The following RPF1 variants were observed in gnomAD, a reference collection of about 807,000 sequenced individuals.
RPF1 encodes the protein ribosome production factor 1.
RPF1 carries 34 observed loss-of-function variants against 41.9 expected under a neutral mutation model. That is an observed-to-expected ratio of 0.81 (90% CI 0.62 to 1.08). RPF1 has a LOEUF of 1.08. Ranked by LOEUF, RPF1 falls within the 50% of genes least tolerant of loss-of-function variation. The pLI, the probability that RPF1 is intolerant of heterozygous loss-of-function variation, is 0.00. For synonymous variants in RPF1, 140 were observed against 148.9 expected (o/e 0.94, Z 0.43); for missense variants, 425 against 435.2 (o/e 0.98, Z 0.21).
At chr1:84,484,149 G>T (rs1431763517) in intron 3 of RPF1, among the ~76,000 whole-genome samples, 1 of 152,202 alleles carries the variant, frequency 6.6e-6, no homozygotes, top group East Asian at 1.9e-4. Flanking sequence ...GCAATTTTAT[G>T]TAAGTAAGGT....
At chr1:84,493,737 A>G (rs1681879985) in intron 5 of RPF1, among the ~76,000 whole-genome samples, 1 of 152,224 alleles carries the variant, frequency 6.6e-6, no homozygotes, top group African/African-American at 2.4e-5. Context: ...ACTACATAAA[A>G]AGGTGACATT....
Position 84,479,421 on chromosome 1 carries a change from C to T in RPF1, c.140C>T (p.Ala47Val), listed in dbSNP as rs764130665. ...ENGVQPPKAAAFPPGFSISEI... is the reference protein window; with the variant it reads ...ENGVQPPKAAVFPPGFSISEI... ...GGGGTCCAACCCCCGAAAGCGGCTGCCTTTCCGCCAGGCTTTAGCATTTCG... is the reference window on the plus strand; with the variant it reads ...GGGGTCCAACCCCCGAAAGCGGCTGTCTTTCCGCCAGGCTTTAGCATTTCG... The change falls in exon 1 of 9, where the codon GCC becomes GTC. Residue 47 changes from alanine (A) to valine (V), a missense_variant. By Grantham distance (64) the Ala-to-Val change is moderately conservative (BLOSUM62 0). Coordinates refer to ENST00000370654, the MANE Select transcript of RPF1 (RefSeq NM_025065.7). The T allele has an allele frequency of 1.2e-6, 2 of 1,614,108 alleles. No homozygotes were observed. Among genetic ancestry groups the T allele is most frequent in the Admixed American group, 1.7e-5 (1 of 60,016 alleles).
intron 3 of RPF1, among the ~76,000 whole-genome samples, chr1:84,487,811 T>C (rs1468012847): frequency 6.6e-6 from 1 of 152,088 alleles, no homozygotes; most frequent in Non-Finnish European, 1.5e-5. Flanking sequence ...CCTGTCCTTT[T>C]GCATATATAT....
Position 84,480,961 on chromosome 1 carries a change from G to A in RPF1, c.234G>A (p.Lys78=), listed in dbSNP as rs1262946074. ...TRWKQQQRKE[K]LAAKKKLKKE... The stretch of plus-strand genomic sequence containing the variant: ...CTTTTTTTTTAACCCTTTAGGAAAA[G>A]TTGGCAGCTAAGAAAAAACTTAAAA... Residue 78 remains lysine, a synonymous_variant, in exon 2 of 9, where the codon AAG becomes AAA. Coordinates refer to ENST00000370654, the MANE Select transcript of RPF1 (RefSeq NM_025065.7). 6.4e-7 allele frequency: 1 copy of A among 1,569,978 alleles called. No homozygotes were observed. The highest frequency in any genetic ancestry group is 8.7e-7 in the Non-Finnish European group (1 of 1,144,146).
chr1:84,496,556 A>ATTTT (rs542210342), intron 8 of RPF1, among the ~76,000 whole-genome samples, 186 bp downstream of exon 8: 1 of 128,944 alleles, frequency 7.8e-6, no homozygotes, highest in African/African-American at 2.7e-5. Flanking sequence ...CTGCACATAT[A>ATTTT]CCCTTGAACT....
intron 2 of RPF1, among the ~76,000 whole-genome samples, chr1:84,482,021 T>C (rs954703271): frequency 5.9e-5 from 9 of 152,218 alleles, no homozygotes; most frequent in Non-Finnish European, 1.3e-4. Flanking sequence ...GTAATCAGTC[T>C]ATTACAGCAA....
intron 5 of RPF1, among the ~76,000 whole-genome samples, chr1:84,491,406 A>AATTT (rs1047652213): frequency 2.0e-5 from 3 of 152,174 alleles, no homozygotes; most frequent in Non-Finnish European, 4.4e-5. Flanking sequence ...TGAACACTCT[A>AATTT]TTAGTGGTTT....
At position 84,489,639 on chromosome 1, in the gene RPF1, TATG is replaced by T; in HGVS notation, c.378_380del (p.Asp126del). The T allele has an allele frequency of 6.3e-7, 1 of 1,589,642 alleles. No individual in the cohort carries two copies. The highest frequency in any genetic ancestry group is 8.6e-7 in the Non-Finnish European group (1 of 1,157,868). On this transcript the variant is annotated inframe_deletion, in exon 4 of 9. Coordinates refer to ENST00000370654, the MANE Select transcript of RPF1 (RefSeq NM_025065.7). Reference sequence around the variant, plus strand: ...TCCTCTTCTCTGTTCTCAGGTCGCTTATGATGAAGCTACAGATGAATTTGCTTC... The same window carrying T: ...TCCTCTTCTCTGTTCTCAGGTCGCTTATGAAGCTACAGATGAATTTGCTTC...
At position 84,496,141 on chromosome 1, in the gene RPF1, T is replaced by G. The variant is rs1681930253; in HGVS notation, c.881+78T>G. 3.4e-6 allele frequency: 5 copies of G among 1,473,776 alleles called. No homozygotes were observed. The South Asian group carries it at 6.3e-5, about 18-fold the overall frequency. The allele number at this position is 1,473,776 out of a possible 1,614,324, so 91.3% of individuals were successfully genotyped here. A position where few individuals can be genotyped will look rare whatever the true frequency, so the allele number is the denominator to read the frequency against. ...AACATGAACTAATTTTCCAACATAT[T>G]GTAGCAAGTATCATACAAGATAAAA... On this transcript the variant is annotated intron_variant, in intron 7 of 8. Coordinates refer to ENST00000370654, the MANE Select transcript of RPF1 (RefSeq NM_025065.7).
Position 84,482,906 on chromosome 1 carries a change from T to G in RPF1, c.286-9T>G, listed in dbSNP as rs1331184921. On this transcript the variant is annotated splice_polypyrimidine_tract_variant and intron_variant, in intron 2 of 8. Coordinates refer to ENST00000370654, the MANE Select transcript of RPF1 (RefSeq NM_025065.7). ...CCTTCTAAAATGTAATCCCTTCTCT[T>G]TTACTTAGGCTCCACCAAAGCCTGT... 6.3e-7 allele frequency: 1 copy of G among 1,583,212 alleles called. No individual in the cohort carries two copies. The highest frequency in any genetic ancestry group is 8.7e-7 in the Non-Finnish European group (1 of 1,153,812).
chr1:84,494,736 G>T (rs977096942), intron 5 of RPF1, among the ~76,000 whole-genome samples: 13 of 152,196 alleles, frequency 8.5e-5, no homozygotes, highest in African/African-American at 2.7e-4. Flanking sequence ...TTGTAGTTTA[G>T]CATGTCTAGC....
intron 1 of RPF1, among the ~76,000 whole-genome samples, chr1:84,480,234 CA>C (rs1681619305): frequency 6.6e-6 from 1 of 152,090 alleles, no homozygotes; most frequent in South Asian, 2.1e-4. Flanking sequence ...TCAATACATA[CA>C]AGGGGCGTTT....
At chr1:84,494,498 C>A (rs551257063) in intron 5 of RPF1, among the ~76,000 whole-genome samples, 4 of 152,296 alleles carry the variant, frequency 2.6e-5, no homozygotes, top group African/African-American at 9.6e-5. Context: ...AAGCATAATA[C>A]AAAGTGAAAG....
intron 2 of RPF1, among the ~76,000 whole-genome samples, chr1:84,481,710 A>G (rs1681652346): frequency 6.6e-6 from 1 of 152,194 alleles, no homozygotes; most frequent in Non-Finnish European, 1.5e-5. Flanking sequence ...ATGCTCATAC[A>G]TTATTGCATA....
intron 8 of RPF1, among the ~76,000 whole-genome samples, chr1:84,496,880 T>C (rs1681948980): frequency 6.6e-6 from 1 of 152,154 alleles, no homozygotes; most frequent in African/African-American, 2.4e-5. Context: ...GTTGTTGTTT[T>C]GTTTTTTTTG....
intron 3 of RPF1, among the ~76,000 whole-genome samples, chr1:84,483,799 T>A (rs1056464182): frequency 1.3e-5 from 2 of 152,256 alleles, no homozygotes; most frequent in Admixed American, 6.5e-5. Context: ...GTTTCGAATG[T>A]CTGTTTGCTT....
At chr1:84,496,399 G>A in intron 8 of RPF1, 29 bp downstream of exon 8, 1 of 1,565,258 alleles carries the variant, frequency 6.4e-7, no homozygotes, top group Non-Finnish European at 8.7e-7. Flanking sequence ...AAAAGACTAA[G>A]TCATTTTTAA....
At position 84,490,477 on chromosome 1, in the gene RPF1, CCTT is replaced by C; in HGVS notation, c.616+6_616+8del. ...ATGAAGATCGTAAAACCCCAAGTATCCTTTTTTTTTTTAAGGAGGTTTTCCTGT... is the reference window on the plus strand; with the variant it reads ...ATGAAGATCGTAAAACCCCAAGTATCTTTTTTTTTAAGGAGGTTTTCCTGT... On this transcript the variant is annotated splice_donor_region_variant and intron_variant, in intron 5 of 8. Transcript: ENST00000370654. The C allele has an allele frequency of 6.4e-7, 1 of 1,555,772 alleles. No homozygotes were observed.
rs1681678431 is a variant in RPF1 at position 84,483,010 on chromosome 1, C to CT, written c.366+17dup. ...ATGATGAAGAGGTAATGTTAGAAGT[C>CT]TTAAATTAGTTTGAATGATCACATA... is the stretch of plus-strand genomic sequence containing the variant. On this transcript the variant is annotated intron_variant, in intron 3 of 8. Transcript: ENST00000370654. 6.9e-7 allele frequency: 1 copy of CT among 1,459,140 alleles called. No homozygotes were observed. Among genetic ancestry groups the CT allele is most frequent in the East Asian group, 2.3e-5 (1 of 44,144 alleles). 90.4% of individuals were successfully genotyped at this position (1,459,140 alleles called of 1,614,324 possible). A position where few individuals can be genotyped will look rare whatever the true frequency, so the allele number is the denominator to read the frequency against.
Sources: gnomAD v4.1 joint callset for allele counts (sites outside exome capture counted in the v4.1 genomes callset) on GRCh38, gnomAD v4.1.1 for gene constraint, MANE v1.5 for transcripts, NCBI Gene and HGNC (gene_info 2026-07-23, HGNC 2026-07-21) for gene names.